PTPRT: variants seen among roughly 807,000 people sequenced by gnomAD.
PTPRT encodes protein tyrosine phosphatase receptor type T, also known as receptor-type tyrosine-protein phosphatase T.
A neutral mutation model predicts 176.8 loss-of-function variants in PTPRT; 56 were observed. That is an observed-to-expected ratio of 0.32 (90% CI 0.26 to 0.40). The LOEUF is 0.40. Ranked by LOEUF, PTPRT falls within the 10% of genes least tolerant of loss-of-function variation. PTPRT has a pLI of 1.00. For synonymous variants in PTPRT, 783 were observed against 739.0 expected (o/e 1.06, Z -0.96); for missense variants, 1,540 against 1,908.2 (o/e 0.81, Z 3.60).
intron 2 of PTPRT, among the ~76,000 whole-genome samples, chr20:42,801,110 G>A (rs972945334): frequency 2.0e-5 from 3 of 152,148 alleles, no homozygotes; most frequent in Admixed American, 2.0e-4. Context: ...GAAGCTAAGA[G>A]TTACTCTGAG....
At chr20:42,646,435 C>T (rs1233236522) in intron 7 of PTPRT, among the ~76,000 whole-genome samples, 4 of 152,052 alleles carry the variant, frequency 2.6e-5, no homozygotes, top group East Asian at 3.9e-4. Flanking sequence ...CAACAGAGGT[C>T]GTCTGGGCCA....
At chr20:42,611,751 A>G (rs2073980129) in intron 7 of PTPRT, among the ~76,000 whole-genome samples, 1 of 152,110 alleles carries the variant, frequency 6.6e-6, no homozygotes. Flanking sequence ...CCTTCTGTCA[A>G]GGGTGAGAGC....
intron 7 of PTPRT, among the ~76,000 whole-genome samples, chr20:42,546,467 C>T (rs1247123582): frequency 7.1e-6 from 1 of 140,406 alleles, no homozygotes; most frequent in Admixed American, 7.1e-5. Flanking sequence ...TAACAAACAA[C>T]AGACAAAAAA....
At chr20:43,184,714 A>AC (rs2015347535) in intron 1 of PTPRT, among the ~76,000 whole-genome samples, 1 of 150,930 alleles carries the variant, frequency 6.6e-6, no homozygotes, top group African/African-American at 2.4e-5. Flanking sequence ...CCTAATGATC[A>AC]CCATGCCTCA....
intron 2 of PTPRT, among the ~76,000 whole-genome samples, chr20:42,846,250 C>A (rs538478080): frequency 1.6e-4 from 24 of 152,344 alleles, no homozygotes; most frequent in Non-Finnish European, 3.2e-4. Context: ...ATGCAGAAAG[C>A]AGCTCTGCAG....
intron 9 of PTPRT, among the ~76,000 whole-genome samples, chr20:42,429,247 C>G (rs1225286613): frequency 2.0e-5 from 3 of 152,124 alleles, no homozygotes; most frequent in Non-Finnish European, 4.4e-5. Context: ...ATAATGGGGT[C>G]TCCATGGGAT....
At chr20:42,514,178 C>A (rs1601167510) in intron 7 of PTPRT, among the ~76,000 whole-genome samples, 1 of 152,270 alleles carries the variant, frequency 6.6e-6, no homozygotes, top group East Asian at 1.9e-4. Flanking sequence ...ACGATATATT[C>A]ATCTTTTGCT....
chr20:42,833,895 A>G (rs2078136467), intron 2 of PTPRT, among the ~76,000 whole-genome samples: 1 of 152,202 alleles, frequency 6.6e-6, no homozygotes, highest in South Asian at 2.1e-4. Flanking sequence ...ACATAAACCT[A>G]AATGTAAAAT....
intron 7 of PTPRT, among the ~76,000 whole-genome samples, chr20:42,502,799 C>A (rs1377396553): frequency 6.6e-6 from 1 of 152,046 alleles, no homozygotes; most frequent in African/African-American, 2.4e-5. Context: ...GCAAGAGTTT[C>A]TCTAGTCTAG....
At chr20:42,603,993 G>A (rs1340741435) in intron 7 of PTPRT, among the ~76,000 whole-genome samples, 1 of 152,136 alleles carries the variant, frequency 6.6e-6, no homozygotes, top group Non-Finnish European at 1.5e-5. Context: ...AAACATATTT[G>A]TAGAAGCAAA....
intron 9 of PTPRT, among the ~76,000 whole-genome samples, chr20:42,406,860 G>T (rs920600114): frequency 6.6e-6 from 1 of 152,086 alleles, no homozygotes. Context: ...AGAAATTAAT[G>T]GGAAAAGCCA....
In PTPRT at chr20:42,277,884, TCATC is replaced by T. The variant is rs60397646; in HGVS notation, c.2176+4601_2176+4604del. Among the ~76,000 whole-genome samples, 728 of 139,764 alleles carry T rather than the reference TCATC, an allele frequency of 5.2e-3. 3 individuals carry two copies. The highest frequency in any genetic ancestry group is 8.8e-3 in the African/African-American group (335 of 37,928). The allele number at this position is 139,764 out of a possible 152,430, so 91.7% of individuals were successfully genotyped here. On this transcript the variant is annotated intron_variant, in intron 13 of 30. Transcript: ENST00000373187. The stretch of plus-strand genomic sequence containing the variant: ...GAATAATGACCTGTTAGTCATCCAC[TCATC>T]CATCCATCCATCCATCCATCCATCC...
intron 28 of PTPRT, 152 bp downstream of exon 28, chr20:42,085,576 C>A (rs922378774): frequency 2.6e-5 from 31 of 1,178,718 alleles, no homozygotes; most frequent in Non-Finnish European, 3.4e-5. Context: ...GAGTCTGGAG[C>A]CGGAATCAGC....
intron 6 of PTPRT, among the ~76,000 whole-genome samples, chr20:42,737,711 CTT>C (rs1158001352): frequency 6.6e-6 from 1 of 151,874 alleles, no homozygotes; most frequent in Non-Finnish European, 1.5e-5. Context: ...GGACCTTGGA[CTT>C]CAGGACTCCA....
At position 42,232,832 on chromosome 20, in the gene PTPRT, A is replaced by G. The variant is rs111825686; in HGVS notation, c.2342+3397T>C. Among the ~76,000 whole-genome samples the G allele has an allele frequency of 1.3e-4, 20 of 151,810 alleles. 1 individual carries two copies. Among genetic ancestry groups the G allele is most frequent in the African/African-American group, 4.8e-4 (20 of 41,444 alleles). ...GTTTTACAAAAAAAAAAAAAAAAAAAAAAAGGTGAAAGGTGATCCTACTCA... is the reference window on the plus strand; with the variant it reads ...GTTTTACAAAAAAAAAAAAAAAAAAGAAAAGGTGAAAGGTGATCCTACTCA... On this transcript the variant is annotated intron_variant, in intron 15 of 30. Coordinates refer to ENST00000373187, the MANE Select transcript of PTPRT (RefSeq NM_007050.6).
intron 5 of PTPRT, among the ~76,000 whole-genome samples, chr20:42,767,266 A>G (rs139649821): frequency 2.0e-5 from 3 of 152,288 alleles, no homozygotes; most frequent in African/African-American, 7.2e-5. Flanking sequence ...TGAGATGAGC[A>G]TTTGAATCAG....
At chr20:42,669,681 C>G (rs182415947) in intron 7 of PTPRT, among the ~76,000 whole-genome samples, 8 of 152,244 alleles carry the variant, frequency 5.3e-5, no homozygotes, top group Non-Finnish European at 1.2e-4. Context: ...ATTTTCTAGA[C>G]CTTCAATTAC....
In PTPRT at chr20:42,293,777, A is replaced by G. The variant is rs369785187; in HGVS notation, c.2140-11252T>C. ...CTCACCACTAATTTTCCATGTTTAA[A>G]TAAATGTCACCATCATCTACTTAGT... is the stretch of plus-strand genomic sequence containing the variant. On this transcript the variant is annotated intron_variant, in intron 12 of 30. Coordinates refer to ENST00000373187, the MANE Select transcript of PTPRT (RefSeq NM_007050.6). Among the ~76,000 whole-genome samples the G allele has an allele frequency of 2.4e-4, 37 of 152,276 alleles. No homozygotes were observed. The East Asian group carries it at 3.1e-3, about 13-fold the overall frequency.
At chr20:42,036,971 A>G in the PTPRT span, among the ~76,000 whole-genome samples, 1 of 152,222 alleles carries the variant, frequency 6.6e-6, no homozygotes, top group South Asian at 2.1e-4. Context: ...ATCACCAAAC[A>G]TGTGATCACT....
Sources: gnomAD v4.1 joint callset for allele counts (sites outside exome capture counted in the v4.1 genomes callset) on GRCh38, gnomAD v4.1.1 for gene constraint, MANE v1.5 for transcripts, NCBI Gene and HGNC (gene_info 2026-07-23, HGNC 2026-07-21) for gene names.